Variants in MASTL observed in about 807,000 individuals in gnomAD.
The protein encoded by MASTL is serine/threonine-protein kinase greatwall.
MASTL carries 54 observed loss-of-function variants against 82.5 expected under a neutral mutation model. The observed-to-expected ratio is 0.65, with a 90% CI of 0.53 to 0.82. The LOEUF is 0.82. MASTL is among the 40% of genes least tolerant of loss of function. The pLI, the probability that MASTL is intolerant of heterozygous loss-of-function variation, is 0.00. For missense variants in MASTL, 950 were observed against 1,047.8 expected (o/e 0.91, Z 1.29); for synonymous variants, 323 against 368.9 (o/e 0.88, Z 1.43).
Position 27,173,198 on chromosome 10 carries a change from T to G in MASTL, c.2205T>G (p.Asp735Glu), listed in dbSNP as rs1420575056. The change falls in exon 9 of 12, where the codon GAT (aspartate) becomes GAG (glutamate). Residue 735 changes from aspartate (D) to glutamate (E), a missense_variant. Coordinates refer to ENST00000375940, the MANE Select transcript of MASTL (RefSeq NM_001172303.3). ...GAAGAGGGGTGGCCCCCGTTGATGA[T>G]GGGCGAATTCTAGGAACCCCAGACT... ...SVRRGVAPVD[D>E]GRILGTPDYL... The G allele has an allele frequency of 6.2e-7, 1 of 1,614,056 alleles. No individual in the cohort carries two copies. The highest frequency in any genetic ancestry group is 8.5e-7 in the Non-Finnish European group (1 of 1,180,038).
chr10:27,185,294 G>A (rs561054092), intron 11 of MASTL, among the ~76,000 whole-genome samples: 5 of 152,122 alleles, frequency 3.3e-5, no homozygotes, highest in Admixed American at 3.3e-4. Context: ...TCAAGGAGCA[G>A]AAAGTAGGCC....
chr10:27,161,044 T>G, intron 3 of MASTL, 50 bp from the exon 4 acceptor site: 3 of 1,187,172 alleles, frequency 2.5e-6, no homozygotes, highest in Non-Finnish European at 3.8e-6. Flanking sequence ...ATTCTAACAT[T>G]AAAACTAGCC....
chr10:27,165,207 C>G, intron 5 of MASTL, 37 bp downstream of exon 5: 3 of 1,443,090 alleles, frequency 2.1e-6, no homozygotes, highest in Non-Finnish European at 2.9e-6. Context: ...TGACATACCC[C>G]TTCATGATCA....
At chr10:27,176,815 T>C (rs576889462) in intron 9 of MASTL, among the ~76,000 whole-genome samples, 1 of 151,812 alleles carries the variant, frequency 6.6e-6, no homozygotes, top group South Asian at 2.1e-4. Flanking sequence ...TTAAGAAAAC[T>C]TTTTGAGGAG....
Position 27,155,639 on chromosome 10 carries a change from G to A in MASTL, c.186+27G>A, listed in dbSNP as rs776177291. 4.2e-5 allele frequency: 68 copies of A among 1,613,368 alleles called. No homozygotes were observed. The Admixed American group carries it at 1.1e-3, about 26-fold the overall frequency. On this transcript the variant is annotated intron_variant, in intron 1 of 11. Transcript: ENST00000375940. The stretch of plus-strand genomic sequence containing the variant: ...TAGGAAGTCAACGAGTAGCAAGGAA[G>A]GGGTTAGGCCCTTCGGCCCTCCTTC...
chr10:27,180,950 C>T lies in MASTL; in HGVS notation c.2267-3C>T, dbSNP rs752680105. The T allele has an allele frequency of 6.3e-7, 1 of 1,581,644 alleles. No homozygotes were observed. Among genetic ancestry groups the T allele is most frequent in the Non-Finnish European group, 8.7e-7 (1 of 1,150,530 alleles). On this transcript the variant is annotated splice_polypyrimidine_tract_variant and splice_region_variant and intron_variant, in intron 9 of 11. Coordinates refer to ENST00000375940, the MANE Select transcript of MASTL (RefSeq NM_001172303.3). Reference sequence around the variant, plus strand: ...ACTTTAGCTGTTTCCTCTTCGATTACAGGTCCTGCGGTAGACTGGTGGGCA... The same window carrying T: ...ACTTTAGCTGTTTCCTCTTCGATTATAGGTCCTGCGGTAGACTGGTGGGCA...
intron 4 of MASTL, among the ~76,000 whole-genome samples, chr10:27,164,816 T>C (rs1387789524): frequency 6.6e-6 from 1 of 152,004 alleles, no homozygotes; most frequent in Non-Finnish European, 1.5e-5. Flanking sequence ...TTTTGTATTT[T>C]TAGTAGAGAC....
chr10:27,167,017 T>C, intron 6 of MASTL, 85 bp from the exon 7 acceptor site: 3 of 1,049,760 alleles, frequency 2.9e-6, no homozygotes, highest in Non-Finnish European at 4.4e-6. Context: ...TCTTGATACT[T>C]TGCTTAATTA....
At chr10:27,171,932 G>T (rs2057959905) in intron 8 of MASTL, among the ~76,000 whole-genome samples, 1 of 145,212 alleles carries the variant, frequency 6.9e-6, no homozygotes, top group Admixed American at 7.0e-5. Flanking sequence ...GGGTTCAAGC[G>T]ATTCTCCTGC....
In MASTL at chr10:27,170,151, T is replaced by A; in HGVS notation, c.1192T>A (p.Ser398Thr). ...TAAAAAATGCTTCTCTGGGGAAGTT[T>A]CTTGGGAAGCAGTAGAACTGGATGT... ...LAKKCFSGEVSWEAVELDVNN... is the reference protein window; with the variant it reads ...LAKKCFSGEVTWEAVELDVNN... Residue 398 changes from serine to threonine, a missense_variant, in exon 8 of 12, where the codon TCT (serine) becomes ACT (threonine). Ser to Thr is a moderately conservative substitution (Grantham distance 58). Transcript: ENST00000375940. The A allele has an allele frequency of 6.2e-7, 1 of 1,614,202 alleles. No homozygotes were observed. The highest frequency in any genetic ancestry group is 1.1e-5 in the South Asian group (1 of 91,074).
At position 27,183,576 on chromosome 10, in the gene MASTL, G is replaced by A. The variant is rs190729443; in HGVS notation, c.2482+1995G>A. Among the ~76,000 whole-genome samples, 588 of 152,172 alleles carry A rather than the reference G, an allele frequency of 3.9e-3. 5 individuals are homozygous for A. Among genetic ancestry groups the A allele is most frequent in the Non-Finnish European group, 6.3e-3 (428 of 67,998 alleles). ...GGGATTTTAAAATTCCTTTTGTAAC[G>A]AGGTATGGTAATATAGAGAAAAGCA... On this transcript the variant is annotated intron_variant, in intron 11 of 11. Transcript: ENST00000375940.
chr10:27,166,814 G>A (rs955890010), intron 6 of MASTL, among the ~76,000 whole-genome samples: 4 of 152,110 alleles, frequency 2.6e-5, no homozygotes, highest in African/African-American at 7.2e-5. Context: ...CTGAATGAAC[G>A]TTAAGGGGAT....
rs1401280469 is a variant in MASTL, at chr10:27,170,942, T to C, written c.1983T>C (p.His661=). ...NAVAFRSFNS[H]INASNNSEPS... is the part of the protein sequence containing the mutation. ...TTGCTTTTCGAAGTTTTAACAGTCA[T>C]ATTAATGCATCCAATAACTCAGAAC... The change falls in exon 8 of 12, where the codon CAT becomes CAC. Residue 661 remains histidine (H), a synonymous_variant. Transcript: ENST00000375940. 2 of 1,614,182 alleles carry C rather than the reference T, an allele frequency of 1.2e-6. No homozygotes were observed. Among genetic ancestry groups the C allele is most frequent in the Admixed American group, 3.3e-5 (2 of 60,026 alleles).
rs7080047 is a variant in MASTL at position 27,187,685 on chromosome 10, G to A, written c.*1149G>A. ...GAGAATCGCTTGAACCCAGGAGGTGGAGATTGCAGTGAGCTGAGATCACAT... is the reference window on the plus strand; with the variant it reads ...GAGAATCGCTTGAACCCAGGAGGTGAAGATTGCAGTGAGCTGAGATCACAT... On this transcript the variant is annotated 3_prime_UTR_variant, in exon 12 of 12. Coordinates refer to ENST00000375940, the MANE Select transcript of MASTL (RefSeq NM_001172303.3). 0.1 allele frequency among the ~76,000 whole-genome samples: 15,674 copies of A among 151,236 alleles called. 2,678 individuals carry two copies. Among genetic ancestry groups the A allele is most frequent in the African/African-American group, 0.36 (14,660 of 41,212 alleles).
Position 27,186,710 on chromosome 10 carries a change from C to A in MASTL, c.*174C>A. 1 of 640,620 alleles carries A rather than the reference C, an allele frequency of 1.6e-6. No individual in the cohort carries two copies. The highest frequency in any genetic ancestry group is 2.7e-6 in the Non-Finnish European group (1 of 364,368). The allele number at this position is 640,620 out of a possible 1,614,324, so 39.7% of individuals were successfully genotyped here. On this transcript the variant is annotated 3_prime_UTR_variant, in exon 12 of 12. Coordinates refer to ENST00000375940, the MANE Select transcript of MASTL (RefSeq NM_001172303.3). The stretch of plus-strand genomic sequence containing the variant: ...GTTAAAAGGCTGAAAGGAATATAGT[C>A]AGTAATTTATCTTAACCTCAAAACT...
At chr10:27,171,617 G>A (rs2057941117) in intron 8 of MASTL, among the ~76,000 whole-genome samples, 1 of 150,842 alleles carries the variant, frequency 6.6e-6, no homozygotes, top group Non-Finnish European at 1.5e-5. Context: ...ATTTTTAGTA[G>A]AGTCGGAATT....
In MASTL at chr10:27,162,648, GA is replaced by G. The variant is rs539230397; in HGVS notation, c.553+1467del. Among the ~76,000 whole-genome samples the G allele has an allele frequency of 1.4e-3, 218 of 151,916 alleles. 3 individuals are homozygous for G. In the South Asian group the frequency reaches 0.023, roughly 16 times the overall value. ...CACGACACTGCACTCTAGCCTGGGGGACAGAGCGATACTCCATCTCGAAAAA... is the reference window on the plus strand; with the variant it reads ...CACGACACTGCACTCTAGCCTGGGGGCAGAGCGATACTCCATCTCGAAAAA... On this transcript the variant is annotated intron_variant, in intron 4 of 11. Coordinates refer to ENST00000375940, the MANE Select transcript of MASTL (RefSeq NM_001172303.3).
At position 27,167,213 on chromosome 10, in the gene MASTL, C is replaced by G; in HGVS notation, c.923C>G (p.Thr308Ser). Residue 308 changes from threonine to serine, a missense_variant, in exon 7 of 12, where the codon ACC becomes AGC. Coordinates refer to ENST00000375940, the MANE Select transcript of MASTL (RefSeq NM_001172303.3). ...TCCAGTGCCAGTAGTCAATCCCACA[C>G]CTTCATATCCAGTGTGGAATCAGAA... ...ATSSASSQSH[T>S]FISSVESECH... 6.2e-7 allele frequency: 1 copy of G among 1,614,126 alleles called. No homozygotes were observed. The highest frequency in any genetic ancestry group is 8.5e-7 in the Non-Finnish European group (1 of 1,179,970).
At chr10:27,167,703 T>C (rs1336253232) in intron 7 of MASTL, among the ~76,000 whole-genome samples, 3 of 152,256 alleles carry the variant, frequency 2.0e-5, no homozygotes, top group Non-Finnish European at 2.9e-5. Flanking sequence ...ATGGTAACTC[T>C]TCTGGATCAG....
Sources: allele counts gnomAD v4.1 joint callset (sites outside exome capture counted in the v4.1 genomes callset), GRCh38; gene constraint gnomAD v4.1.1; transcripts MANE v1.5; gene names NCBI Gene and HGNC (gene_info 2026-07-23, HGNC 2026-07-21).